The following TMEM165 variants were observed in gnomAD, a reference collection of about 807,000 sequenced individuals.
TMEM165 encodes the protein transmembrane protein 165.
TMEM165 carries 19 observed loss-of-function variants against 30.0 expected under a neutral mutation model. The observed-to-expected ratio is 0.63, with a 90% CI of 0.44 to 0.93. The LOEUF (loss-of-function observed/expected upper bound fraction) is 0.93, where lower values mean the gene tolerates loss of function less well. TMEM165 is among the 40% of genes least tolerant of loss of function. The probability of loss-of-function intolerance (pLI) is 0.00; values close to 1 mark genes in which losing one functional copy is unlikely to be tolerated. For missense variants in TMEM165, 340 were observed against 417.0 expected (o/e 0.82, Z 1.61); for synonymous variants, 168 against 162.9 (o/e 1.03, Z -0.24).
intron 3 of TMEM165, chr4:55,438,543 A>G: frequency 6.2e-7 from 1 of 1,613,004 alleles, no homozygotes; most frequent in Non-Finnish European, 8.5e-7. Context: ...AAAATCTGTT[A>G]GAAGAAAGAA....
At chr4:55,407,370 G>T (rs937091259) in intron 1 of TMEM165, among the ~76,000 whole-genome samples, 1 of 152,198 alleles carries the variant, frequency 6.6e-6, no homozygotes, top group Non-Finnish European at 1.5e-5. Context: ...CTAATCCAGA[G>T]TTGAGGTGTG....
At chr4:55,420,423 T>C (rs978454478) in intron 4 of TMEM165, among the ~76,000 whole-genome samples, 10 of 151,692 alleles carry the variant, frequency 6.6e-5, no homozygotes, top group African/African-American at 2.4e-4. Context: ...ACGTGCTGAC[T>C]GGGTTTTGAG....
downstream of TMEM165, among the ~76,000 whole-genome samples, chr4:55,426,594 C>T (rs1447367564): frequency 6.6e-6 from 1 of 152,220 alleles, no homozygotes; most frequent in Non-Finnish European, 1.5e-5. Flanking sequence ...GTAACATTCC[C>T]ATTAATAGCC....
intron 3 of TMEM165, among the ~76,000 whole-genome samples, chr4:55,436,248 C>T (rs1315792778): frequency 2.0e-5 from 3 of 151,992 alleles, no homozygotes; most frequent in Non-Finnish European, 2.9e-5. Flanking sequence ...GCCTTAGGTC[C>T]GATAAGCAGC....
intron 3 of TMEM165, among the ~76,000 whole-genome samples, chr4:55,443,484 A>C (rs928793888): frequency 1.3e-5 from 2 of 151,958 alleles, no homozygotes; most frequent in Non-Finnish European, 2.9e-5. Flanking sequence ...TCAAAAAAAA[A>C]AAAAGAAAAA....
Position 55,449,335 on chromosome 4 carries a change from T to C in TMEM165, c.409-2904T>C. ...ACAAATAGATGAATTTCTGAAGATT[T>C]AGATCATTTTTCCCCTCTTAATAAA... is the stretch of plus-strand genomic sequence containing the variant. On this transcript the variant is annotated intron_variant, in intron 3 of 3. Transcript: ENST00000608091. 3 of 1,409,688 alleles carry C rather than the reference T, an allele frequency of 2.1e-6. No individual in the cohort carries two copies. The South Asian group carries it at 3.5e-5, about 16-fold the overall frequency. The allele number at this position is 1,409,688 out of a possible 1,614,324, so 87.3% of individuals were successfully genotyped here.
intron 1 of TMEM165, among the ~76,000 whole-genome samples, chr4:55,410,327 C>T (rs868272955): frequency 1.4e-4 from 22 of 152,266 alleles, no homozygotes; most frequent in Middle Eastern, 6.8e-3. Context: ...CTCCTTCATG[C>T]GAAGAGCTTA....
intron 3 of TMEM165, among the ~76,000 whole-genome samples, chr4:55,448,527 A>C (rs957292531): frequency 2.0e-4 from 31 of 152,164 alleles, no homozygotes; most frequent in African/African-American, 7.2e-4. Context: ...ATGTCCCCAG[A>C]TATCCTAAAT....
intron 1 of TMEM165, among the ~76,000 whole-genome samples, chr4:55,404,076 T>C (rs1438288820): frequency 1.3e-5 from 2 of 148,704 alleles, no homozygotes; most frequent in Admixed American, 1.4e-4. Flanking sequence ...AGTGTCTTGC[T>C]CTGTTGCCCA....
intron 1 of TMEM165, among the ~76,000 whole-genome samples, chr4:55,404,158 T>C (rs1438664833): frequency 1.3e-5 from 2 of 150,678 alleles, no homozygotes; most frequent in African/African-American, 4.9e-5. Flanking sequence ...ACTACAGGTG[T>C]GCGCCACCAC....
chr4:55,448,939 C>A, intron 3 of TMEM165: 1 of 1,151,736 alleles, frequency 8.7e-7, no homozygotes, highest in South Asian at 1.3e-5. Flanking sequence ...GCAGAAATAT[C>A]AATATGATAT....
intron 3 of TMEM165, among the ~76,000 whole-genome samples, chr4:55,449,171 TA>T (rs5858334): frequency 0.68 from 101,407 of 148,266 alleles, 34,564 homozygotes; most frequent in South Asian, 0.81. Flanking sequence ...TTTCCACAAT[TA>T]AAAAAAAAAA....
At position 55,425,540 on chromosome 4, in the gene TMEM165, A is replaced by G; in HGVS notation, c.*88A>G. The G allele has an allele frequency of 9.6e-7, 1 of 1,040,326 alleles. No individual in the cohort carries two copies. The allele number at this position is 1,040,326 out of a possible 1,614,324, so 64.4% of individuals were successfully genotyped here. On this transcript the variant is annotated 3_prime_UTR_variant, in exon 6 of 6. Coordinates refer to ENST00000381334, the MANE Select transcript of TMEM165 (RefSeq NM_018475.5). Reference sequence around the variant, plus strand: ...TACATTACAACTAAAAGTGATGGAAAAATACTGTATTTTGTAGCACTGATT... The same window carrying G: ...TACATTACAACTAAAAGTGATGGAAGAATACTGTATTTTGTAGCACTGATT...
intron 1 of TMEM165, among the ~76,000 whole-genome samples, chr4:55,407,072 G>A (rs535664402): frequency 6.6e-6 from 1 of 152,266 alleles, no homozygotes; most frequent in South Asian, 2.1e-4. Context: ...TCTGTAATAG[G>A]CCTCCCATAC....
intron 3 of TMEM165, among the ~76,000 whole-genome samples, chr4:55,447,605 TA>T (rs1452456880): frequency 6.6e-6 from 1 of 152,196 alleles, no homozygotes; most frequent in East Asian, 1.9e-4. Flanking sequence ...GAATGCTTAC[TA>T]ACATTTTTGA....
chr4:55,442,930 T>A (rs1487974635), intron 3 of TMEM165, among the ~76,000 whole-genome samples: 1 of 152,140 alleles, frequency 6.6e-6, no homozygotes, highest in Non-Finnish European at 1.5e-5. Flanking sequence ...GAATGACTAA[T>A]TAGTGGGCAT....
In TMEM165 at chr4:55,396,011, T is replaced by A. The variant is rs1429658257; in HGVS notation, c.-179T>A. 1.2e-5 allele frequency: 5 copies of A among 426,670 alleles called. No individual in the cohort carries two copies. The Admixed American group carries it at 1.9e-4, about 16-fold the overall frequency. 26.4% of individuals were successfully genotyped at this position (426,670 alleles called of 1,614,324 possible). A position where few individuals can be genotyped will look rare whatever the true frequency, so the allele number is the denominator to read the frequency against. On this transcript the variant is annotated 5_prime_UTR_variant, in exon 1 of 6. Coordinates refer to ENST00000381334, the MANE Select transcript of TMEM165 (RefSeq NM_018475.5). Reference sequence around the variant, plus strand: ...CGGGCGCCGAGCCGGGGCTGCGGACTTCGGCCTGCCCCTCACCTCACTCCC... The same window carrying A: ...CGGGCGCCGAGCCGGGGCTGCGGACATCGGCCTGCCCCTCACCTCACTCCC...
At chr4:55,408,163 C>T (rs480479) in intron 1 of TMEM165, among the ~76,000 whole-genome samples, 89,456 of 152,076 alleles carry the variant, frequency 0.59, 27,812 homozygotes, top group South Asian at 0.81. Context: ...CACGGTACCC[C>T]GATACTTTTC....
At chr4:55,444,619 A>G (rs753821021) in intron 3 of TMEM165, 8 of 1,613,970 alleles carry the variant, frequency 5.0e-6, no homozygotes, top group Admixed American at 1.7e-5. Context: ...TTTGTATTCA[A>G]ATATAACAAT....
Sources: gnomAD v4.1 joint callset for allele counts (sites outside exome capture counted in the v4.1 genomes callset) on GRCh38, gnomAD v4.1.1 for gene constraint, MANE v1.5 for transcripts, NCBI Gene and HGNC (gene_info 2026-07-23, HGNC 2026-07-21) for gene names.